Variants in RAB11FIP4 observed in about 807,000 individuals in gnomAD.
The protein encoded by RAB11FIP4 is rab11 family-interacting protein 4.
In RAB11FIP4, 23 loss-of-function variants were observed where a neutral mutation model predicts 74.3. The observed-to-expected ratio is 0.31, with a 90% CI of 0.22 to 0.44. RAB11FIP4 has a LOEUF of 0.44. RAB11FIP4 is among the 20% of genes least tolerant of loss of function. The pLI is 1.00. For missense variants in RAB11FIP4, 630 were observed against 863.9 expected, an observed-to-expected ratio of 0.73 and a Z score of 3.39; for synonymous variants, 360 against 359.9, an observed-to-expected ratio of 1.00 and a Z score of 0.00.
intron 3 of RAB11FIP4, among the ~76,000 whole-genome samples, chr17:31,500,407 G>A (rs1274371920): frequency 1.3e-5 from 2 of 152,162 alleles, no homozygotes; most frequent in Non-Finnish European, 2.9e-5. Flanking sequence ...TGCTCCAGAT[G>A]TCAGGTAGCC....
At chr17:31,436,921 G>T (rs2071364112) in intron 3 of RAB11FIP4, among the ~76,000 whole-genome samples, 1 of 151,896 alleles carries the variant, frequency 6.6e-6, no homozygotes, top group African/African-American at 2.4e-5. Context: ...CTGAGTAGCT[G>T]GGACTACAGG....
At chr17:31,522,956 G>A (rs549909329) in intron 7 of RAB11FIP4, 116 of 174,864 alleles carry the variant, frequency 6.6e-4, no homozygotes, top group African/African-American at 1.9e-3. Context: ...TGTCACTGGG[G>A]GTGGCAGCTG....
At chr17:31,477,627 C>T (rs376199520) in intron 3 of RAB11FIP4, among the ~76,000 whole-genome samples, 153 of 152,298 alleles carry the variant, frequency 1.0e-3, no homozygotes, top group African/African-American at 3.4e-3. Flanking sequence ...GTCTGGCCTG[C>T]GGTTTCTGCT....
chr17:31,463,156 T>C (rs576001739), intron 3 of RAB11FIP4, among the ~76,000 whole-genome samples: 22 of 152,306 alleles, frequency 1.4e-4, no homozygotes, highest in African/African-American at 5.3e-4. Context: ...AGTCCCATTA[T>C]GTAAGGAGTC....
intron 3 of RAB11FIP4, among the ~76,000 whole-genome samples, chr17:31,498,346 G>C (rs1040552466): frequency 1.3e-5 from 2 of 152,200 alleles, no homozygotes; most frequent in Admixed American, 6.5e-5. Flanking sequence ...TGGGTAGCTG[G>C]GTCTAGCAAA....
At chr17:31,431,669 G>A (rs1246260261) in intron 1 of RAB11FIP4, 144 bp from the exon 2 acceptor site, 3 of 665,896 alleles carry the variant, frequency 4.5e-6, no homozygotes, top group Non-Finnish European at 7.9e-6. Flanking sequence ...TGGCCCCATG[G>A]CTGATACTGA....
At chr17:31,488,043 A>G in intron 3 of RAB11FIP4, 1 of 1,011,844 alleles carries the variant, frequency 9.9e-7, no homozygotes, top group Non-Finnish European at 1.2e-6. Flanking sequence ...CCGCAGCTTG[A>G]TACAAAGAGC....
Position 31,537,888 on chromosome 17 carries a change from C to T in RAB11FIP4, c.*6156C>T, listed in dbSNP as rs918140043. ...CCTCCCACTTTCTTGGCTGGGTCTT[C>T]TGAGGCCTACGTGGAATGAACTACA... On this transcript the variant is annotated 3_prime_UTR_variant, in exon 15 of 15. Transcript: ENST00000621161. 1.3e-5 allele frequency: 2 copies of T among 152,806 alleles called. No individual in the cohort carries two copies. Among genetic ancestry groups the T allele is most frequent in the African/African-American group, 4.8e-5 (2 of 41,474 alleles). 9.5% of individuals were successfully genotyped at this position (152,806 alleles called of 1,614,324 possible).
intron 3 of RAB11FIP4, among the ~76,000 whole-genome samples, chr17:31,458,712 T>C (rs2071604958): frequency 6.6e-6 from 1 of 152,220 alleles, no homozygotes; most frequent in Non-Finnish European, 1.5e-5. Context: ...AGTTTGCCAA[T>C]GTTCTTTCCT....
intron 4 of RAB11FIP4, among the ~76,000 whole-genome samples, chr17:31,519,007 CTTTTTTTTTT>C (rs1190316585): frequency 1.8e-4 from 13 of 73,982 alleles, no homozygotes; most frequent in African/African-American, 4.1e-4. Flanking sequence ...TAAGTTTTGT[CTTTTTTTTTT>C]TTTTTTTTTT....
chr17:31,493,165 G>A (rs1200015443), intron 3 of RAB11FIP4, among the ~76,000 whole-genome samples: 1 of 152,192 alleles, frequency 6.6e-6, no homozygotes, highest in Non-Finnish European at 1.5e-5. Flanking sequence ...CCAACTGTTG[G>A]TCACATTTTT....
chr17:31,413,802 C>G (rs2071122073), intron 1 of RAB11FIP4, among the ~76,000 whole-genome samples: 1 of 152,180 alleles, frequency 6.6e-6, no homozygotes, highest in Non-Finnish European at 1.5e-5. Flanking sequence ...TTATCTTCCC[C>G]TACAGTGCTA....
chr17:31,448,366 C>CA (rs1314539881), intron 3 of RAB11FIP4: 1 of 150,228 alleles, frequency 6.7e-6, no homozygotes, highest in Non-Finnish European at 1.5e-5. Context: ...GCTGGGACCA[C>CA]AGGCTCATAC....
At chr17:31,493,942 A>AG (rs1201648745) in intron 3 of RAB11FIP4, among the ~76,000 whole-genome samples, 1 of 152,124 alleles carries the variant, frequency 6.6e-6, no homozygotes, top group Non-Finnish European at 1.5e-5. Context: ...TTTGCGTGTC[A>AG]GGCAGCATTC....
intron 3 of RAB11FIP4, among the ~76,000 whole-genome samples, chr17:31,458,660 G>A (rs2071603948): frequency 6.6e-6 from 1 of 152,304 alleles, no homozygotes; most frequent in Admixed American, 6.5e-5. Flanking sequence ...TCTTCAAAAT[G>A]CTCATGTGCA....
chr17:31,513,212 C>T (rs999650554), intron 3 of RAB11FIP4, among the ~76,000 whole-genome samples: 1 of 152,180 alleles, frequency 6.6e-6, no homozygotes, highest in African/African-American at 2.4e-5. Flanking sequence ...GGAGAGGAAC[C>T]CACCGCCTCC....
At chr17:31,473,018 G>A (rs1247678495) in intron 3 of RAB11FIP4, among the ~76,000 whole-genome samples, 1 of 151,786 alleles carries the variant, frequency 6.6e-6, no homozygotes, top group Non-Finnish European at 1.5e-5. Context: ...GAGCAACAGA[G>A]CAAGACTCGT....
At chr17:31,404,229 C>A (rs950944994) in intron 1 of RAB11FIP4, among the ~76,000 whole-genome samples, 5 of 152,348 alleles carry the variant, frequency 3.3e-5, no homozygotes, top group Middle Eastern at 3.4e-3. Flanking sequence ...GTTCCTGCAT[C>A]CTCCTCGGCC....
chr17:31,515,965 G>A (rs143845217), intron 3 of RAB11FIP4, among the ~76,000 whole-genome samples: 1 of 152,308 alleles, frequency 6.6e-6, no homozygotes, highest in East Asian at 1.9e-4. Flanking sequence ...TCAGAAGTGA[G>A]GCCTGGCATT....
Sources: allele counts gnomAD v4.1 joint callset (sites outside exome capture counted in the v4.1 genomes callset), GRCh38; gene constraint gnomAD v4.1.1; transcripts MANE v1.5; gene names NCBI Gene and HGNC (gene_info 2026-07-23, HGNC 2026-07-21).